The following KLHL29 variants were observed in gnomAD, a reference collection of about 807,000 sequenced individuals.
The protein encoded by KLHL29 is kelch-like protein 29.
Under a neutral mutation model 80.4 loss-of-function variants are expected in KLHL29, and 21 were observed. That is an observed-to-expected ratio of 0.26 (90% CI 0.19 to 0.38). The LOEUF is 0.38. Among genes scored for constraint, KLHL29 ranks in the 10% least tolerant of loss-of-function variants. KLHL29 has a pLI of 1.00. For missense variants in KLHL29, 867 were observed against 1,223.9 expected, an observed-to-expected ratio of 0.71 and a Z score of 4.35; for synonymous variants, 511 against 526.8, an observed-to-expected ratio of 0.97 and a Z score of 0.41.
At chr2:23,479,324 C>T (rs1032720725) in intron 2 of KLHL29, among the ~76,000 whole-genome samples, 6 of 151,928 alleles carry the variant, frequency 3.9e-5, no homozygotes, top group Non-Finnish European at 8.8e-5. Flanking sequence ...GATTCTGGTC[C>T]GTTCCCTGCC....
At chr2:23,391,253 A>G (rs190011694) in intron 1 of KLHL29, among the ~76,000 whole-genome samples, 32 of 152,252 alleles carry the variant, frequency 2.1e-4, no homozygotes, top group Non-Finnish European at 3.7e-4. Context: ...AAGGTTGAAT[A>G]ATATTGCATT....
chr2:23,480,443 C>A (rs975544939), intron 2 of KLHL29, among the ~76,000 whole-genome samples: 4 of 151,952 alleles, frequency 2.6e-5, no homozygotes, highest in African/African-American at 7.3e-5. Flanking sequence ...GCTGAGATCG[C>A]ACCACTGCAC....
At chr2:23,549,307 CA>C (rs1667063088) in intron 2 of KLHL29, among the ~76,000 whole-genome samples, 1 of 152,202 alleles carries the variant, frequency 6.6e-6, no homozygotes, top group African/African-American at 2.4e-5. Context: ...AGAAAGGCAA[CA>C]AAATCTATGT....
chr2:23,585,921 T>G (rs532203531), intron 3 of KLHL29, among the ~76,000 whole-genome samples: 85 of 152,282 alleles, frequency 5.6e-4, no homozygotes, highest in African/African-American at 1.9e-3. Flanking sequence ...CTCAGGAGGA[T>G]ATGCTGTTGG....
At chr2:23,693,203 C>T (rs1558444244) in intron 7 of KLHL29, 66 bp from the exon 8 acceptor site, 3 of 1,490,200 alleles carry the variant, frequency 2.0e-6, no homozygotes, top group Non-Finnish European at 2.7e-6. Flanking sequence ...AGGGTGACAG[C>T]AATGGGAACA....
chr2:23,423,017 C>T (rs192970557), intron 1 of KLHL29, among the ~76,000 whole-genome samples: 1 of 152,234 alleles, frequency 6.6e-6, no homozygotes, highest in South Asian at 2.1e-4. Context: ...ACAAAAGCAG[C>T]CCTTGAATGG....
intron 2 of KLHL29, among the ~76,000 whole-genome samples, chr2:23,543,810 G>A (rs1453357773): frequency 1.3e-5 from 2 of 152,132 alleles, no homozygotes; most frequent in Admixed American, 1.3e-4. Context: ...ACGCTCCTGG[G>A]GGAGAGCTGG....
At chr2:23,489,546 G>A (rs779253110) in intron 2 of KLHL29, among the ~76,000 whole-genome samples, 3 of 152,078 alleles carry the variant, frequency 2.0e-5, no homozygotes, top group Non-Finnish European at 4.4e-5. Flanking sequence ...CTCCTGCCAC[G>A]CTGAAGTCAT....
chr2:23,615,689 G>A (rs1296993979), intron 3 of KLHL29, among the ~76,000 whole-genome samples: 1 of 152,158 alleles, frequency 6.6e-6, no homozygotes, highest in African/African-American at 2.4e-5. Flanking sequence ...CATTATTCCA[G>A]TCTAGGGGGC....
chr2:23,501,018 A>C (rs1333655786), intron 2 of KLHL29, among the ~76,000 whole-genome samples: 3 of 152,168 alleles, frequency 2.0e-5, no homozygotes, highest in African/African-American at 7.2e-5. Flanking sequence ...GTGGTGGCCC[A>C]GTCTGGAGAG....
At position 23,696,140 on chromosome 2, in the gene KLHL29, C is replaced by A; in HGVS notation, c.1924+7C>A. 6.5e-7 allele frequency: 1 copy of A among 1,549,064 alleles called. No homozygotes were observed. The highest frequency in any genetic ancestry group is 8.7e-7 in the Non-Finnish European group (1 of 1,145,264). ...GACAACATCTACCTCTCAGGTGAGG[C>A]CCCCCGGGGTTGGGGCGGGACCAGG... On this transcript the variant is annotated splice_region_variant and intron_variant, in intron 10 of 13. Transcript: ENST00000486442. This position sits in a 1 kb window ranked among gnomAD's most constrained non-coding sequence, Gnocchi z 5.5.
intron 5 of KLHL29, among the ~76,000 whole-genome samples, chr2:23,656,578 G>A (rs34603760): frequency 6.6e-6 from 1 of 152,242 alleles, no homozygotes. Context: ...GAACACCTTA[G>A]GCTGAGTGAT....
At position 23,701,701 on chromosome 2, in the gene KLHL29, AG is replaced by A. The variant is rs1558450394; in HGVS notation, c.2106-1484del. Among the ~76,000 whole-genome samples the A allele has an allele frequency of 3.3e-5, 5 of 151,906 alleles. No homozygotes were observed. In the East Asian group the frequency reaches 9.7e-4, roughly 29 times the overall value. On this transcript the variant is annotated intron_variant, in intron 11 of 13. Coordinates refer to ENST00000486442, the MANE Select transcript of KLHL29 (RefSeq NM_052920.2). ...CACTGCATTCTAGCCTAGGCAACAG[AG>A]CAAGACCCTGCCTCAAACAAACAAA...
chr2:23,511,873 G>A (rs561905935), intron 2 of KLHL29, among the ~76,000 whole-genome samples: 5 of 152,154 alleles, frequency 3.3e-5, no homozygotes, highest in South Asian at 4.1e-4. Context: ...ACACGTGCTG[G>A]TGGCGAGTTC....
chr2:23,583,560 A>G (rs1254089461), intron 3 of KLHL29, among the ~76,000 whole-genome samples: 1 of 152,226 alleles, frequency 6.6e-6, no homozygotes, highest in Non-Finnish European at 1.5e-5. Context: ...TGTCCCTCTC[A>G]GAAGGGAAGG....
At chr2:23,453,464 T>G (rs957239111) in intron 1 of KLHL29, among the ~76,000 whole-genome samples, 3 of 152,232 alleles carry the variant, frequency 2.0e-5, no homozygotes, top group South Asian at 4.1e-4. Context: ...GGGTGCAGCA[T>G]TTTCCTTCCT....
intron 3 of KLHL29, among the ~76,000 whole-genome samples, chr2:23,589,955 C>T (rs1668215037): frequency 6.6e-6 from 1 of 152,206 alleles, no homozygotes; most frequent in African/African-American, 2.4e-5. Flanking sequence ...TGATAACTTG[C>T]AAAGGCATGC....
chr2:23,526,182 C>T (rs766193792), intron 2 of KLHL29, among the ~76,000 whole-genome samples: 1 of 152,192 alleles, frequency 6.6e-6, no homozygotes, highest in Non-Finnish European at 1.5e-5. Context: ...CTAGAGGAAG[C>T]TGCATGGAGT....
At chr2:23,616,873 A>G (rs1398829739) in intron 3 of KLHL29, 1 of 152,186 alleles carries the variant, frequency 6.6e-6, no homozygotes, top group African/African-American at 2.4e-5. Context: ...AGAAGAACAC[A>G]TGGAGATTCT....
Sources: gnomAD v4.1 joint callset for allele counts (sites outside exome capture counted in the v4.1 genomes callset) on GRCh38, gnomAD v4.1.1 for gene constraint, Gnocchi (gnomAD v3.1) non-coding constraint, MANE v1.5 for transcripts, NCBI Gene and HGNC (gene_info 2026-07-23, HGNC 2026-07-21) for gene names.